PLEKHA6: variants seen among roughly 807,000 people sequenced by gnomAD.
The protein encoded by PLEKHA6 is pleckstrin homology domain containing A6, also known as pleckstrin homology domain-containing family A member 6.
A neutral mutation model predicts 116.7 loss-of-function variants in PLEKHA6; 60 were observed. The observed-to-expected ratio is 0.51, with a 90% CI of 0.42 to 0.64. The LOEUF (loss-of-function observed/expected upper bound fraction) is 0.64, where lower values mean the gene tolerates loss of function less well. Among genes scored for constraint, PLEKHA6 ranks in the 30% least tolerant of loss-of-function variants. PLEKHA6 has a pLI of 0.00. For missense variants in PLEKHA6, 1,338 were observed against 1,422.7 expected (o/e 0.94, Z 0.96); for synonymous variants, 489 against 556.1 (o/e 0.88, Z 1.70).
chr1:204,226,019 C>T (rs775759464), intron 21 of PLEKHA6, among the ~76,000 whole-genome samples: 4 of 152,236 alleles, frequency 2.6e-5, no homozygotes, highest in Admixed American at 6.5e-5. Context: ...ACACACCACA[C>T]GCGGGCACTG....
chr1:204,234,746 T>C (rs1661697961), intron 17 of PLEKHA6, among the ~76,000 whole-genome samples: 2 of 151,588 alleles, frequency 1.3e-5, no homozygotes, highest in South Asian at 2.1e-4. Context: ...CCAGTGAATA[T>C]AAAGCAGGCA....
chr1:204,229,207 G>A, intron 18 of PLEKHA6, 103 bp from the exon 19 acceptor site: 1 of 1,132,076 alleles, frequency 8.8e-7, no homozygotes, highest in Non-Finnish European at 1.3e-6. Context: ...GCCTGATCTA[G>A]CTGCCACCCC....
intron 1 of PLEKHA6, among the ~76,000 whole-genome samples, chr1:204,357,596 C>G (rs965118885): frequency 6.6e-6 from 1 of 152,238 alleles, no homozygotes; most frequent in Non-Finnish European, 1.5e-5. Context: ...TCCTGCAGCT[C>G]TTTTGTGAGG....
At chr1:204,362,823 C>G (rs1439072402), upstream of PLEKHA6, among the ~76,000 whole-genome samples, 1 of 152,220 alleles carries the variant, frequency 6.6e-6, no homozygotes, top group Non-Finnish European at 1.5e-5. Flanking sequence ...CTGGGACTTA[C>G]AGGTGTGAGC....
chr1:204,368,200 G>A (rs957776605), intron 2 of PLEKHA6, among the ~76,000 whole-genome samples: 1 of 152,090 alleles, frequency 6.6e-6, no homozygotes, highest in African/African-American at 2.4e-5. Flanking sequence ...CCAGCCCCTG[G>A]ATACAACAGT....
chr1:204,228,329 C>T lies in PLEKHA6; in HGVS notation c.2886-101G>A, dbSNP rs1005100204. ...AGGTTGGCAGGGAGGGCCAGGGCCC[C>T]GTGAATGTGCAGTCTCTGGTTCCCA... On this transcript the variant is annotated intron_variant, in intron 20 of 22. Transcript: ENST00000272203. The surrounding 1 kb of genome is among the most constrained non-coding windows in gnomAD (Gnocchi z 4.0). The T allele has an allele frequency of 2.6e-6, 3 of 1,174,872 alleles. No individual in the cohort carries two copies. Among genetic ancestry groups the T allele is most frequent in the Admixed American group, 2.3e-5 (1 of 43,734 alleles). The allele number at this position is 1,174,872 out of a possible 1,614,324, so 72.8% of individuals were successfully genotyped here. A position where few individuals can be genotyped will look rare whatever the true frequency, so the allele number is the denominator to read the frequency against.
intron 1 of PLEKHA6, among the ~76,000 whole-genome samples, chr1:204,330,699 C>T (rs1057301673): frequency 1.3e-5 from 2 of 152,136 alleles, no homozygotes; most frequent in Non-Finnish European, 2.9e-5. Context: ...CCCTCAGAGC[C>T]TTTGACAGAG....
chr1:204,370,734 G>T (rs948107696), intron 2 of PLEKHA6, among the ~76,000 whole-genome samples: 1 of 152,026 alleles, frequency 6.6e-6, no homozygotes, highest in Non-Finnish European at 1.5e-5. Context: ...TAGCTACATG[G>T]GGCCATTTAC....
chr1:204,360,383 G>GCCCC (rs55977147), upstream of PLEKHA6, among the ~76,000 whole-genome samples: 8 of 135,572 alleles, frequency 5.9e-5, no homozygotes, highest in African/African-American at 1.9e-4. Flanking sequence ...CCCATCCCCC[G>GCCCC]CCCCCCCCCC....
chr1:204,346,480 A>G (rs1311678345), intron 1 of PLEKHA6, among the ~76,000 whole-genome samples: 2 of 152,140 alleles, frequency 1.3e-5, no homozygotes, highest in African/African-American at 4.8e-5. Context: ...AGCCATGACA[A>G]AGTGGAGTCA....
At chr1:204,268,450 G>C (rs1373050780) in intron 3 of PLEKHA6, 138 bp from the exon 4 acceptor site, 2 of 444,294 alleles carry the variant, frequency 4.5e-6, no homozygotes, top group Non-Finnish European at 4.0e-6. Flanking sequence ...GCCCAGGTGT[G>C]AATCTTGGAT....
rs972353602 is a variant in PLEKHA6, at chr1:204,257,636, C to A, written c.1241G>T (p.Ser414Ile). 6.2e-7 allele frequency: 1 copy of A among 1,609,308 alleles called. No individual in the cohort carries two copies. Among genetic ancestry groups the A allele is most frequent in the African/African-American group, 1.3e-5 (1 of 74,852 alleles). ...GACGGTGGCATCCTGCCGCCCGTAG[C>A]TGGCGGGCTCCTTCCACTCTCGCAG... is the stretch of plus-strand genomic sequence containing the variant. ...YQLREWKEPA[S>I]YGRQDATVWI... The change falls in exon 9 of 23, where the codon AGC becomes ATC. Residue 414 changes from serine (S) to isoleucine (I), a missense_variant. This residue lies in a region of PLEKHA6 where 1,136 missense variants were observed against 1,163.6 expected (regional missense o/e 0.98). Coordinates refer to ENST00000272203, the MANE Select transcript of PLEKHA6 (RefSeq NM_014935.5). This position sits in a 1 kb window ranked among gnomAD's most constrained non-coding sequence, Gnocchi z 6.5.
intron 18 of PLEKHA6, among the ~76,000 whole-genome samples, chr1:204,229,864 G>A (rs1281089937): frequency 6.6e-6 from 1 of 152,188 alleles, no homozygotes; most frequent in Non-Finnish European, 1.5e-5. Context: ...GCTACATCCA[G>A]CTCTGTACTT....
intron 1 of PLEKHA6, among the ~76,000 whole-genome samples, chr1:204,349,129 G>A (rs558410112): frequency 6.6e-6 from 1 of 152,350 alleles, no homozygotes; most frequent in East Asian, 1.9e-4. Context: ...TGAGACAGCA[G>A]ACAAGAGGAG....
chr1:204,290,742 C>T (rs1360272491), intron 1 of PLEKHA6, among the ~76,000 whole-genome samples: 1 of 152,178 alleles, frequency 6.6e-6, no homozygotes, highest in East Asian at 1.9e-4. Context: ...GTAATCCCAG[C>T]ACTTTCGGGT....
intron 1 of PLEKHA6, among the ~76,000 whole-genome samples, chr1:204,358,925 C>T (rs1230655311): frequency 4.1e-5 from 6 of 147,894 alleles, no homozygotes; most frequent in Non-Finnish European, 7.5e-5. Flanking sequence ...TTTCCTGTCT[C>T]GCCCCGCTTC....
At chr1:204,367,543 C>T (rs1367817012) in intron 3 of PLEKHA6, among the ~76,000 whole-genome samples, 1 of 152,044 alleles carries the variant, frequency 6.6e-6, no homozygotes, top group Non-Finnish European at 1.5e-5. Flanking sequence ...ACAGCCCAGC[C>T]CAACACTCCA....
chr1:204,297,505 C>T (rs77474076), intron 1 of PLEKHA6, among the ~76,000 whole-genome samples: 3,681 of 152,114 alleles, frequency 0.024, 70 homozygotes, highest in Non-Finnish European at 0.037. Context: ...GGAAGGATGG[C>T]TGGGAAGTCA....
intron 1 of PLEKHA6, among the ~76,000 whole-genome samples, chr1:204,292,871 G>A (rs971360740): frequency 4.7e-5 from 7 of 148,458 alleles, no homozygotes; most frequent in Non-Finnish European, 8.9e-5. Context: ...CTCCCAAGGC[G>A]GAAGTCTGGA....
Sources: allele counts gnomAD v4.1 joint callset (sites outside exome capture counted in the v4.1 genomes callset), GRCh38; gene constraint gnomAD v4.1.1; regional missense constraint gnomAD v4.1.1; non-coding constraint Gnocchi (gnomAD v3.1); transcripts MANE v1.5; gene names NCBI Gene and HGNC (gene_info 2026-07-23, HGNC 2026-07-21).